Variants in ROR1 observed in about 807,000 individuals in gnomAD.
ROR1 encodes inactive tyrosine-protein kinase transmembrane receptor ROR1.
A neutral mutation model predicts 78.8 loss-of-function variants in ROR1; 19 were observed. The observed-to-expected ratio is 0.24, with a 90% CI of 0.17 to 0.35. The LOEUF is 0.35. Ranked by LOEUF, ROR1 falls within the 10% of genes least tolerant of loss-of-function variation. ROR1 has a pLI of 1.00. For missense variants in ROR1, 917 were observed against 1,177.8 expected (o/e 0.78, Z 3.24); for synonymous variants, 386 against 433.6 (o/e 0.89, Z 1.36).
rs557879547 is a variant in ROR1 at position 64,023,718 on chromosome 1, T to C, written c.163+14342T>C. Among the ~76,000 whole-genome samples, 4 of 152,240 alleles carry C rather than the reference T, an allele frequency of 2.6e-5. No homozygotes were observed. The South Asian group carries it at 8.3e-4, about 32-fold the overall frequency. On this transcript the variant is annotated intron_variant, in intron 2 of 8. Transcript: ENST00000371079. ...AAAGGAATCATATTGAGCCATTCTC[T>C]TTTGTAAACAACATTTGTCCCTTAG... is the stretch of plus-strand genomic sequence containing the variant.
chr1:64,011,027 C>T (rs1248903873), intron 2 of ROR1, among the ~76,000 whole-genome samples: 1 of 152,162 alleles, frequency 6.6e-6, no homozygotes, highest in Non-Finnish European at 1.5e-5. Flanking sequence ...GTTGTATTTC[C>T]TCTCTGAGAA....
At chr1:64,040,575 T>G (rs541565749) in intron 2 of ROR1, among the ~76,000 whole-genome samples, 1 of 152,170 alleles carries the variant, frequency 6.6e-6, no homozygotes, top group Non-Finnish European at 1.5e-5. Context: ...AACTTATTTC[T>G]TACAGTTCTG....
chr1:63,978,540 T>A (rs1041616696), intron 1 of ROR1, among the ~76,000 whole-genome samples: 2 of 152,242 alleles, frequency 1.3e-5, no homozygotes, highest in Middle Eastern at 3.2e-3. Context: ...GGGCAGCACA[T>A]GGTAAACACT....
At chr1:63,805,789 G>GAC (rs1281653617) in intron 1 of ROR1, among the ~76,000 whole-genome samples, 1 of 152,208 alleles carries the variant, frequency 6.6e-6, no homozygotes, top group Non-Finnish European at 1.5e-5. Context: ...GTGGAAGCAG[G>GAC]AGGATCTTTT....
intron 1 of ROR1, among the ~76,000 whole-genome samples, chr1:63,815,760 T>C (rs1459232281): frequency 6.6e-6 from 1 of 152,120 alleles, no homozygotes; most frequent in Non-Finnish European, 1.5e-5. Flanking sequence ...GTGGTTCTTG[T>C]TCAGGGGTGA....
chr1:63,985,049 A>G (rs867629364), intron 1 of ROR1, among the ~76,000 whole-genome samples: 2 of 152,118 alleles, frequency 1.3e-5, no homozygotes, highest in Admixed American at 1.3e-4. Flanking sequence ...ATATATTACT[A>G]CATACCCAGG....
chr1:64,118,558 G>A (rs1047717436), intron 4 of ROR1, among the ~76,000 whole-genome samples: 3 of 150,366 alleles, frequency 2.0e-5, no homozygotes, highest in African/African-American at 7.4e-5. Context: ...ACCGGGACTC[G>A]GGAGGCAGAG....
Position 63,822,255 on chromosome 1 carries a change from T to C in ROR1, c.91+47747T>C, listed in dbSNP as rs554051451. Reference sequence around the variant, plus strand: ...GGTATATGTAACAGTGTCTGGCACATAGTGGATGCGAAATAGATATTTGTT... The same window carrying C: ...GGTATATGTAACAGTGTCTGGCACACAGTGGATGCGAAATAGATATTTGTT... On this transcript the variant is annotated intron_variant, in intron 1 of 8. Coordinates refer to ENST00000371079, the MANE Select transcript of ROR1 (RefSeq NM_005012.4). 2.0e-5 allele frequency among the ~76,000 whole-genome samples: 3 copies of C among 152,322 alleles called. No individual in the cohort carries two copies. In the South Asian group the frequency reaches 6.2e-4, roughly 32 times the overall value.
chr1:63,843,829 C>A, intron 1 of ROR1: 2 of 308,002 alleles, frequency 6.5e-6, no homozygotes, highest in Non-Finnish European at 1.3e-5. Flanking sequence ...ATTGCAACAA[C>A]TTTTTAGCTG....
In ROR1 at chr1:63,946,428, G is replaced by A. The variant is rs557351580; in HGVS notation, c.92-62877G>A. Among the ~76,000 whole-genome samples, 7 of 152,270 alleles carry A rather than the reference G, an allele frequency of 4.6e-5. No homozygotes were observed. In the South Asian group the frequency reaches 1.2e-3, roughly 27 times the overall value. On this transcript the variant is annotated intron_variant, in intron 1 of 8. Coordinates refer to ENST00000371079, the MANE Select transcript of ROR1 (RefSeq NM_005012.4). ...ATTGCCTCTAACTTTGTTTGACAGT[G>A]GCACAGAATCGAATGTATTCAAGTT...
At chr1:64,020,250 C>T (rs184657819) in intron 2 of ROR1, among the ~76,000 whole-genome samples, 13 of 152,176 alleles carry the variant, frequency 8.5e-5, no homozygotes, top group African/African-American at 2.9e-4. Context: ...ACTTGCCCTA[C>T]GTCACAAAGC....
At chr1:64,166,243 A>C (rs991298206) in intron 8 of ROR1, among the ~76,000 whole-genome samples, 2 of 152,200 alleles carry the variant, frequency 1.3e-5, no homozygotes, top group African/African-American at 4.8e-5. Flanking sequence ...TTTCTGCACC[A>C]GTACCATGCT....
intron 4 of ROR1, among the ~76,000 whole-genome samples, chr1:64,123,364 T>C (rs748338720): frequency 1.3e-5 from 2 of 152,220 alleles, no homozygotes; most frequent in Non-Finnish European, 2.9e-5. Context: ...GATTTGTCTT[T>C]GACATGTTGG....
At chr1:63,828,705 T>C (rs1644969610) in intron 1 of ROR1, among the ~76,000 whole-genome samples, 1 of 152,192 alleles carries the variant, frequency 6.6e-6, no homozygotes, top group Admixed American at 6.5e-5. Context: ...ACAGAATTTG[T>C]CTTTCTGGTT....
chr1:63,905,582 A>T (rs377147103), intron 1 of ROR1, among the ~76,000 whole-genome samples: 8 of 152,214 alleles, frequency 5.3e-5, no homozygotes, highest in Non-Finnish European at 1.0e-4. Context: ...TTAAGATAAT[A>T]AAATGTGAAA....
chr1:64,049,811 A>T lies in ROR1; in HGVS notation c.284A>T (p.Asp95Val). The T allele has an allele frequency of 6.2e-7, 1 of 1,614,150 alleles. No homozygotes were observed. The highest frequency in any genetic ancestry group is 8.5e-7 in the Non-Finnish European group (1 of 1,180,030). Residue 95 changes from aspartate (D) to valine (V), a missense_variant, in exon 3 of 9, where the codon GAT becomes GTT. Physicochemically the swap from Asp to Val is radical, Grantham distance 152. Coordinates refer to ENST00000371079, the MANE Select transcript of ROR1 (RefSeq NM_005012.4). ...PPPTIRWFKNDAPVVQEPRRL... is the reference protein window; with the variant it reads ...PPPTIRWFKNVAPVVQEPRRL... ...CCCACCATCCGCTGGTTCAAAAATG[A>T]TGCTCCTGTGGTCCAGGAGCCCCGG...
chr1:63,842,749 G>A (rs1044548270), intron 1 of ROR1, among the ~76,000 whole-genome samples: 1 of 152,000 alleles, frequency 6.6e-6, no homozygotes, highest in Non-Finnish European at 1.5e-5. Context: ...CAGGGGAAAA[G>A]GGAGAGGAAC....
At chr1:63,821,509 A>C (rs1644923283) in intron 1 of ROR1, among the ~76,000 whole-genome samples, 1 of 152,196 alleles carries the variant, frequency 6.6e-6, no homozygotes, top group Non-Finnish European at 1.5e-5. Context: ...CTTCTGGGAA[A>C]CTGAGAGCAC....
At chr1:63,933,053 G>C (rs1252904551) in intron 1 of ROR1, among the ~76,000 whole-genome samples, 1 of 152,100 alleles carries the variant, frequency 6.6e-6, no homozygotes, top group African/African-American at 2.4e-5. Flanking sequence ...GATCTTGCCA[G>C]CCTTAATTGA....
Sources: gnomAD v4.1 joint callset for allele counts (sites outside exome capture counted in the v4.1 genomes callset) on GRCh38, gnomAD v4.1.1 for gene constraint, MANE v1.5 for transcripts, NCBI Gene and HGNC (gene_info 2026-07-23, HGNC 2026-07-21) for gene names.